The following ROBO4 variants were observed in gnomAD, a reference collection of about 807,000 sequenced individuals.
ROBO4 encodes roundabout guidance receptor 4, also known as roundabout homolog 4.
In ROBO4, 80 loss-of-function variants were observed where a neutral mutation model predicts 103.3. That is an observed-to-expected ratio of 0.77 (90% CI 0.65 to 0.93). ROBO4 has a LOEUF of 0.93. Among genes scored for constraint, ROBO4 ranks in the 40% least tolerant of loss-of-function variants. ROBO4 has a pLI of 0.00. For synonymous variants in ROBO4, 504 were observed against 529.7 expected, an observed-to-expected ratio of 0.95 and a Z score of 0.67; for missense variants, 1,333 against 1,305.3, an observed-to-expected ratio of 1.02 and a Z score of -0.33.
At position 124,893,895 on chromosome 11, in the gene ROBO4, TGGATACACACGGCGGTGCCCAGAAGCA is replaced by T; in HGVS notation, c.1442_1468del (p.Leu481_Ile489del). On this transcript the variant is annotated inframe_deletion, in exon 9 of 18. Coordinates refer to ENST00000306534, the MANE Select transcript of ROBO4 (RefSeq NM_019055.6). ...GTGCACCCTAGCTCGGCGCCGGCGG[TGGATACACACGGCGGTGCCCAGAAGCA>T]GCAGCCAGAGTGCAACACCGCAGGT... 6.2e-7 allele frequency: 1 copy of T among 1,612,464 alleles called. No homozygotes were observed. The highest frequency in any genetic ancestry group is 1.1e-5 in the South Asian group (1 of 90,922).
Position 124,887,139 on chromosome 11 carries a change from C to T in ROBO4, c.2273G>A (p.Ser758Asn), listed in dbSNP as rs762327456. The change falls in exon 15 of 18, where the codon AGT (serine) becomes AAT (asparagine). Residue 758 changes from serine (S) to asparagine (N), a missense_variant. Coordinates refer to ENST00000306534, the MANE Select transcript of ROBO4 (RefSeq NM_019055.6). ...AAPIPILSPC[S>N]PPSPQASSLS... is the part of the protein sequence containing the mutation. ...GGAAGAGGCCTGGGGGCTAGGGGGA[C>T]TGCAGGGGCTAAGGATGGGGATGGG... 1 of 1,612,454 alleles carries T rather than the reference C, an allele frequency of 6.2e-7. No individual in the cohort carries two copies. The highest frequency in any genetic ancestry group is 2.2e-5 in the East Asian group (1 of 44,824).
chr11:124,889,709 A>G (rs531884167), intron 12 of ROBO4, among the ~76,000 whole-genome samples: 94 of 152,298 alleles, frequency 6.2e-4, no homozygotes, highest in Non-Finnish European at 7.2e-4. Flanking sequence ...CTAAGGCCAA[A>G]TAATAAGAAA....
intron 1 of ROBO4, 30 bp downstream of exon 1, chr11:124,897,696 G>C: frequency 6.2e-7 from 1 of 1,607,436 alleles, no homozygotes; most frequent in East Asian, 2.2e-5. Context: ...GGATGGAGGA[G>C]CATGGGCCAG....
In ROBO4 at chr11:124,897,812, A is replaced by G; in HGVS notation, c.-17T>C. On this transcript the variant is annotated 5_prime_UTR_variant, in exon 1 of 18. Transcript: ENST00000306534. Reference sequence around the variant, plus strand: ...AGAGCCCATGGCTACTCTCAGCCCTATGTCCTTGTCCCGAGCACTTTGTCC... The same window carrying G: ...AGAGCCCATGGCTACTCTCAGCCCTGTGTCCTTGTCCCGAGCACTTTGTCC... 1 of 1,606,224 alleles carries G rather than the reference A, an allele frequency of 6.2e-7. No individual in the cohort carries two copies.
rs747720339 is a variant in ROBO4, at chr11:124,897,768, C to A, written c.28G>T (p.Gly10Trp). Reference protein sequence around the residue: MGSGGDSLLGGRGSLPLLLL... With the variant: MGSGGDSLLWGRGSLPLLLL... ...AGCAGAGGCAGGGAACCCCTGCCCC[C>A]CAGGAGGCTGTCTCCTCCAGAGCCC... is the stretch of plus-strand genomic sequence containing the variant. The change falls in exon 1 of 18, where the codon GGG (glycine) becomes TGG (tryptophan). Residue 10 changes from glycine to tryptophan, a missense_variant. Physicochemically the swap from Gly to Trp is radical, Grantham distance 184 (BLOSUM62 -2). Transcript: ENST00000306534. The A allele has an allele frequency of 3.7e-6, 6 of 1,613,832 alleles. No homozygotes were observed. In the Admixed American group the frequency reaches 6.7e-5, roughly 18 times the overall value.
Position 124,893,975 on chromosome 11 carries a change from A to C in ROBO4, c.1389T>G (p.Ala463=). 1 of 1,595,232 alleles carries C rather than the reference A, an allele frequency of 6.3e-7. No individual in the cohort carries two copies. The highest frequency in any genetic ancestry group is 8.5e-7 in the Non-Finnish European group (1 of 1,172,038). Residue 463 remains alanine (A), a synonymous_variant, in exon 9 of 18, where the codon GCT becomes GCG. Coordinates refer to ENST00000306534, the MANE Select transcript of ROBO4 (RefSeq NM_019055.6). ...CAATGACCTCAGGCCGCTTCAAGGT[A>C]GCCCTCAGCTGCTCCAGGGTCCAGG... ...HGPWTLEQLR[A]TLKRPEVIAT... is the part of the protein sequence containing the mutation.
chr11:124,890,083 A>G (rs1251018473), intron 12 of ROBO4, among the ~76,000 whole-genome samples: 2 of 152,244 alleles, frequency 1.3e-5, no homozygotes, highest in East Asian at 3.8e-4. Flanking sequence ...AAGAGGGGCT[A>G]TCCATTCCAT....
chr11:124,895,718 C>G, intron 5 of ROBO4, 33 bp from the exon 6 acceptor site: 2 of 1,611,912 alleles, frequency 1.2e-6, no homozygotes, highest in Non-Finnish European at 8.5e-7. Flanking sequence ...GGCGGGGGGT[C>G]AGAGAGCTCA....
intron 10 of ROBO4, 123 bp from the exon 11 acceptor site, chr11:124,891,925 T>C (rs1299669209): frequency 2.6e-6 from 3 of 1,138,008 alleles, no homozygotes; most frequent in Non-Finnish European, 2.6e-6. Flanking sequence ...TTATCCTTAC[T>C]ACTGCTTTTC....
rs7935373 is a variant in ROBO4, at chr11:124,895,700, C to T, written c.808-15G>A. 1.8e-3 allele frequency: 2,870 copies of T among 1,611,282 alleles called. 50 individuals carry two copies. The African/African-American group carries it at 0.033, about 19-fold the overall frequency. ...GGGCCACTGACCTGGGAAGGAGTTTCGAGGAAGGGCGGGGGGTCAGAGAGC... is the reference window on the plus strand; with the variant it reads ...GGGCCACTGACCTGGGAAGGAGTTTTGAGGAAGGGCGGGGGGTCAGAGAGC... On this transcript the variant is annotated splice_polypyrimidine_tract_variant and intron_variant, in intron 5 of 17. Transcript: ENST00000306534.
chr11:124,895,488 G>A lies in ROBO4; in HGVS notation c.1005C>T (p.Ser335=). 1 of 1,610,838 alleles carries A rather than the reference G, an allele frequency of 6.2e-7. No homozygotes were observed. The highest frequency in any genetic ancestry group is 8.5e-7 in the Non-Finnish European group (1 of 1,179,990). The change falls in exon 6 of 18, where the codon AGC becomes AGT. Residue 335 remains serine, a synonymous_variant. Coordinates refer to ENST00000306534, the MANE Select transcript of ROBO4 (RefSeq NM_019055.6). Reference sequence around the variant, plus strand: ...CCGGCAGCCTCAGGAGCAGCACGTTGCTGTCAGGGCCTCGAGCCCGGCCAG... The same window carrying A: ...CCGGCAGCCTCAGGAGCAGCACGTTACTGTCAGGGCCTCGAGCCCGGCCAG... The part of the protein sequence containing the change: ...PSSGRARGPD[S]NVLLLRLPEK...
At chr11:124,887,925 T>G (rs769242452) in intron 12 of ROBO4, 85 bp from the exon 13 acceptor site, 16 of 1,121,242 alleles carry the variant, frequency 1.4e-5, no homozygotes, top group Non-Finnish European at 2.1e-5. Flanking sequence ...CCTTATTCAA[T>G]TCAGCCTGCA....
At chr11:124,886,875 T>C in intron 15 of ROBO4, 53 bp from the exon 16 acceptor site, 1 of 1,530,280 alleles carries the variant, frequency 6.5e-7, no homozygotes, top group Non-Finnish European at 8.8e-7. Flanking sequence ...ATGAGGGTTG[T>C]AGTAACAGAA....
chr11:124,896,626 C>T lies in ROBO4; in HGVS notation c.445G>A (p.Val149Met). The T allele has an allele frequency of 1.9e-6, 3 of 1,614,192 alleles. No individual in the cohort carries two copies. The Admixed American group carries it at 5.0e-5, about 27-fold the overall frequency. ...TCCAGAGTAAACTGCTCACCCACCA[C>T]AGCCACCATGTCCCGAGGCTGGATC... The part of the protein sequence containing the change: ...FQIQPRDMVA[V>M]VGEQFTLECG... The change falls in exon 3 of 18, where the codon GTG becomes ATG. Residue 149 changes from valine to methionine, a missense_variant. Transcript: ENST00000306534.
At position 124,897,750 on chromosome 11, in the gene ROBO4, G is replaced by T. The variant is rs1946923255; in HGVS notation, c.46C>A (p.Pro16Thr). Residue 16 changes from proline to threonine, a missense_variant, in exon 1 of 18, where the codon CCT becomes ACT. Pro to Thr is a conservative substitution (Grantham distance 38). Transcript: ENST00000306534. ...DSLLGGRGSLPLLLLLIMGGM... is the reference protein window; with the variant it reads ...DSLLGGRGSLTLLLLLIMGGM... ...CCCATGATGAGCAGGAGCAGCAGAG[G>T]CAGGGAACCCCTGCCCCCCAGGAGG... 6 of 1,613,998 alleles carry T rather than the reference G, an allele frequency of 3.7e-6. No homozygotes were observed. Among genetic ancestry groups the T allele is most frequent in the African/African-American group, 1.3e-5 (1 of 75,024 alleles).
At position 124,892,039 on chromosome 11, in the gene ROBO4, G is replaced by T. The variant is rs540447384; in HGVS notation, c.1548-237C>A. ...AATCCGAGTCACCCAGAGCTGGGAG[G>T]TAGTAATGACAGACAGCTATGTATG... is the stretch of plus-strand genomic sequence containing the variant. On this transcript the variant is annotated intron_variant, in intron 10 of 17. Transcript: ENST00000306534. 28 of 694,516 alleles carry T rather than the reference G, an allele frequency of 4.0e-5. No individual in the cohort carries two copies. In the African/African-American group the frequency reaches 4.5e-4, roughly 11 times the overall value. The allele number at this position is 694,516 out of a possible 1,614,324, so 43.0% of individuals were successfully genotyped here. A position where few individuals can be genotyped will look rare whatever the true frequency, so the allele number is the denominator to read the frequency against.
At chr11:124,891,942 T>G in intron 10 of ROBO4, 140 bp from the exon 11 acceptor site, 1 of 963,650 alleles carries the variant, frequency 1.0e-6, no homozygotes, top group South Asian at 1.4e-5. Flanking sequence ...TTTCAGCTTT[T>G]CACAGACTCC....
chr11:124,886,659 TG>T lies in ROBO4; in HGVS notation c.2598del (p.Thr867ProfsTer7), dbSNP rs754051774. The T allele has an allele frequency of 6.2e-7, 1 of 1,613,186 alleles. No individual in the cohort carries two copies. The highest frequency in any genetic ancestry group is 8.5e-7 in the Non-Finnish European group (1 of 1,179,678). ...TTGGCTAAGGAGCCCTCGCTGGGGG[TG>T]GGGGTGAGGCAGGGCCGAGGTGGGC... Reference protein sequence around the residue: ...LLCPPRPCLTPTPSEGSLANG... With the variant: ...LLCPPRPCLTXTPSEGSLANG... On this transcript the variant is annotated frameshift_variant, in exon 16 of 18. Transcript: ENST00000306534. LOFTEE classifies it high-confidence loss of function.
rs761481443 is a variant in ROBO4, at chr11:124,897,191, G to A, written c.141C>T (p.Gly47=). The stretch of plus-strand genomic sequence containing the variant: ...AGGCTTGGCAGCTCATCCTGGCAGG[G>A]CCAGGGCCCTGGAACAGCTGGTCCT... ...HPQDQLFQGP[G]PARMSCQASG... is the part of the protein sequence containing the mutation. Residue 47 remains glycine, a synonymous_variant, in exon 2 of 18, where the codon GGC becomes GGT. Transcript: ENST00000306534. 1.3e-6 allele frequency: 2 copies of A among 1,519,466 alleles called. No individual in the cohort carries two copies. The highest frequency in any genetic ancestry group is 2.7e-5 in the South Asian group (2 of 75,132). The allele number at this position is 1,519,466 out of a possible 1,614,324, so 94.1% of individuals were successfully genotyped here. A position where few individuals can be genotyped will look rare whatever the true frequency, so the allele number is the denominator to read the frequency against.
Sources: allele counts gnomAD v4.1 joint callset (sites outside exome capture counted in the v4.1 genomes callset), GRCh38; gene constraint gnomAD v4.1.1; transcripts MANE v1.5; gene names NCBI Gene and HGNC (gene_info 2026-07-23, HGNC 2026-07-21).